CEP290: variants seen among roughly 807,000 people sequenced by gnomAD.
CEP290 encodes the protein centrosomal protein 290.
In CEP290, 317 loss-of-function variants were observed where a neutral mutation model predicts 344.9. That is an observed-to-expected ratio of 0.92 (90% CI 0.84 to 1.01). The LOEUF (loss-of-function observed/expected upper bound fraction) is 1.01. CEP290 is among the 50% of genes least tolerant of loss of function. The probability of loss-of-function intolerance (pLI) is 0.00; values close to 1 mark genes in which losing one functional copy is unlikely to be tolerated. For missense variants in CEP290, 2,754 were observed against 2,761.4 expected (o/e 1.00, Z 0.06); for synonymous variants, 932 against 895.8 (o/e 1.04, Z -0.72).
At chr12:88,088,930 T>C in intron 31 of CEP290, 102 bp downstream of exon 31, 1 of 770,984 alleles carries the variant, frequency 1.3e-6, no homozygotes, top group South Asian at 2.8e-5. Context: ...GAGAGTCCCT[T>C]GAGCCCAGGA....
chr12:88,069,783 A>G (rs189302452), intron 43 of CEP290, among the ~76,000 whole-genome samples: 1 of 152,336 alleles, frequency 6.6e-6, no homozygotes, highest in East Asian at 1.9e-4. Flanking sequence ...TAATTTTTGA[A>G]GATAAATAGA....
At chr12:88,109,903 C>G (rs1374754185) in intron 22 of CEP290, among the ~76,000 whole-genome samples, 3 of 151,992 alleles carry the variant, frequency 2.0e-5, no homozygotes, top group Non-Finnish European at 4.4e-5. Flanking sequence ...TGATAGTGTT[C>G]CTATACCTCA....
chr12:88,141,050 G>C lies in CEP290; in HGVS notation c.103-17C>G. On this transcript the variant is annotated splice_polypyrimidine_tract_variant and intron_variant, in intron 2 of 53. Transcript: ENST00000552810. ...TACTTCCACCTAAGTAAACAGAAAA[G>C]CAACTGTTTTATATTTTATAACCTT... 1 of 1,545,950 alleles carries C rather than the reference G, an allele frequency of 6.5e-7. No individual in the cohort carries two copies. The highest frequency in any genetic ancestry group is 8.7e-7 in the Non-Finnish European group (1 of 1,146,662).
At chr12:88,056,641 T>G (rs938064088) in intron 49 of CEP290, among the ~76,000 whole-genome samples, 1 of 152,124 alleles carries the variant, frequency 6.6e-6, no homozygotes, top group African/African-American at 2.4e-5. Flanking sequence ...CAGAGAGGCC[T>G]CCTCTGATCA....
intron 25 of CEP290, among the ~76,000 whole-genome samples, chr12:88,105,302 T>TA (rs2038196083): frequency 1.3e-5 from 2 of 152,094 alleles, no homozygotes; most frequent in African/African-American, 4.8e-5. Flanking sequence ...TGACTCCAAC[T>TA]AAAACACATG....
chr12:88,050,081 C>A, intron 53 of CEP290: 1 of 251,956 alleles, frequency 4.0e-6, no homozygotes, highest in Non-Finnish European at 7.4e-6. Context: ...GACACTGTTG[C>A]CAATGTGACC....
chr12:88,055,453 G>T, intron 50 of CEP290, 123 bp downstream of exon 50: 1 of 731,886 alleles, frequency 1.4e-6, no homozygotes. Context: ...GGGTGAATGG[G>T]GTGCCCTTCA....
At chr12:88,069,098 T>C (rs2035170222) in intron 43 of CEP290, among the ~76,000 whole-genome samples, 1 of 152,168 alleles carries the variant, frequency 6.6e-6, no homozygotes, top group Non-Finnish European at 1.5e-5. Flanking sequence ...AAACATCCAC[T>C]TGACCTACAA....
chr12:88,058,998 A>C lies in CEP290; in HGVS notation c.6668T>G (p.Leu2223Ter), dbSNP rs1393652232. 1 of 1,611,428 alleles carries C rather than the reference A, an allele frequency of 6.2e-7. No individual in the cohort carries two copies. The highest frequency in any genetic ancestry group is 8.5e-7 in the Non-Finnish European group (1 of 1,179,036). Residue 2223 changes from leucine to a stop codon, truncating the protein, a stop_gained, in exon 49 of 54, where the codon TTA becomes TGA. Transcript: ENST00000552810. LOFTEE classifies it high-confidence loss of function. ...CTCTAAATTATTCTTTGCTATCCGTAATTTCTCTGCAGCATCAGTTTCCTA... is the reference window on the plus strand; with the variant it reads ...CTCTAAATTATTCTTTGCTATCCGTCATTTCTCTGCAGCATCAGTTTCCTA... Reference protein sequence around the residue: ...LKKETDAAEKLRIAKNNLEIL... With the variant: ...LKKETDAAEK
rs1592855571 is a variant in CEP290 at position 88,089,148 on chromosome 12, T to C, written c.3913A>G (p.Lys1305Glu). ...TTTCTATGTTCTTGTTGAGAATTTT[T>C]CATTTCTTGCATTATCTTAAGTTTG... Reference protein sequence around the residue: ...NDKLKIMQEMKNSQQEHRNME... With the variant: ...NDKLKIMQEMENSQQEHRNME... Residue 1305 changes from lysine to glutamate, a missense_variant, in exon 31 of 54, where the codon AAA (lysine) becomes GAA (glutamate). Transcript: ENST00000552810. 6.2e-7 allele frequency: 1 copy of C among 1,603,102 alleles called. No homozygotes were observed. The highest frequency in any genetic ancestry group is 8.5e-7 in the Non-Finnish European group (1 of 1,176,262).
intron 26 of CEP290, among the ~76,000 whole-genome samples, chr12:88,100,054 C>T (rs937128263): frequency 6.6e-6 from 1 of 151,646 alleles, no homozygotes; most frequent in Non-Finnish European, 1.5e-5. Context: ...TTGAGGCTGG[C>T]GGATTACCTG....
At chr12:88,064,947 A>G (rs1194114211) in intron 44 of CEP290, among the ~76,000 whole-genome samples, 2 of 152,150 alleles carry the variant, frequency 1.3e-5, no homozygotes, top group Non-Finnish European at 1.5e-5. Flanking sequence ...TCTTTGAGCT[A>G]AAGTAATGGT....
intron 22 of CEP290, among the ~76,000 whole-genome samples, chr12:88,109,649 T>C (rs375612996): frequency 5.3e-5 from 8 of 152,186 alleles, no homozygotes; most frequent in Admixed American, 1.3e-4. Context: ...GTGCTTTCCA[T>C]ATACATGGAT....
chr12:88,093,555 AATAAT>A, intron 28 of CEP290: 2 of 464,218 alleles, frequency 4.3e-6, no homozygotes, highest in Non-Finnish European at 3.8e-6. Context: ...AATTAAATCT[AATAAT>A]ATAACATTGG....
At chr12:88,140,847 G>A (rs2040608602) in intron 3 of CEP290, 109 bp downstream of exon 3, 5 of 652,630 alleles carry the variant, frequency 7.7e-6, no homozygotes, top group South Asian at 2.1e-5. Context: ...TTTTTTAGTG[G>A]TGATGTAGAT....
At chr12:88,087,436 T>G (rs1229576606) in intron 32 of CEP290, among the ~76,000 whole-genome samples, 3 of 152,028 alleles carry the variant, frequency 2.0e-5, no homozygotes, top group African/African-American at 7.2e-5. Context: ...GCAATATTCT[T>G]GTTTAAAATC....
At chr12:88,086,609 A>G (rs1317135928) in intron 32 of CEP290, 111 bp from the exon 33 acceptor site, 3 of 684,216 alleles carry the variant, frequency 4.4e-6, no homozygotes, top group East Asian at 3.0e-5. Context: ...AAGAAACTGT[A>G]ATTATTTTCC....
intron 43 of CEP290, among the ~76,000 whole-genome samples, chr12:88,070,027 T>C (rs550262117): frequency 6.6e-6 from 1 of 152,224 alleles, no homozygotes; most frequent in African/African-American, 2.4e-5. Context: ...TGTTAACACA[T>C]GATTTTATTT....
intron 9 of CEP290, 104 bp from the exon 10 acceptor site, chr12:88,129,980 G>A (rs987013589): frequency 2.6e-6 from 2 of 771,056 alleles, no homozygotes; most frequent in East Asian, 6.3e-5. Flanking sequence ...TAGAAAAAAA[G>A]AGAATTCTTT....
Sources: allele counts gnomAD v4.1 joint callset (sites outside exome capture counted in the v4.1 genomes callset), GRCh38; gene constraint gnomAD v4.1.1; transcripts MANE v1.5; gene names NCBI Gene and HGNC (gene_info 2026-07-23, HGNC 2026-07-21).